The following GSK3B variants were observed in gnomAD, a reference collection of about 807,000 sequenced individuals.
The protein encoded by GSK3B is glycogen synthase kinase 3 beta.
Under a neutral mutation model 56.4 loss-of-function variants are expected in GSK3B, and 15 were observed. The ratio of observed to expected loss-of-function variants is 0.27; its 90% CI spans 0.18 to 0.41. The LOEUF (loss-of-function observed/expected upper bound fraction) is 0.41, where lower values mean the gene tolerates loss of function less well. Ranked by LOEUF, GSK3B falls within the 10% of genes least tolerant of loss-of-function variation. The pLI is 1.00. For missense variants in GSK3B, 300 were observed against 513.4 expected, an observed-to-expected ratio of 0.58 and a Z score of 4.02; for synonymous variants, 181 against 188.9, an observed-to-expected ratio of 0.96 and a Z score of 0.34.
At chr3:119,910,471 T>G (rs1576192700) in intron 6 of GSK3B, among the ~76,000 whole-genome samples, 1 of 151,862 alleles carries the variant, frequency 6.6e-6, no homozygotes, top group East Asian at 1.9e-4. Flanking sequence ...AAACACACTT[T>G]ATTACTAAAA....
At chr3:119,948,067 CAA>C (rs1252321480) in intron 2 of GSK3B, among the ~76,000 whole-genome samples, 1 of 152,132 alleles carries the variant, frequency 6.6e-6, no homozygotes, top group African/African-American at 2.4e-5. Context: ...TGTACATTAA[CAA>C]AGAGGTTATT....
At chr3:119,841,298 C>T (rs1188303996) in intron 10 of GSK3B, among the ~76,000 whole-genome samples, 1 of 152,164 alleles carries the variant, frequency 6.6e-6, no homozygotes, top group Non-Finnish European at 1.5e-5. Context: ...AGACAATTTG[C>T]TCAAAAACAT....
At chr3:119,853,329 TGTA>T (rs1379246633) in intron 9 of GSK3B, among the ~76,000 whole-genome samples, 1 of 152,238 alleles carries the variant, frequency 6.6e-6, no homozygotes, top group Non-Finnish European at 1.5e-5. Flanking sequence ...ACTGTAGCCT[TGTA>T]GTATAGTTCG....
intron 1 of GSK3B, among the ~76,000 whole-genome samples, chr3:120,003,730 C>T (rs919656530): frequency 1.3e-4 from 20 of 152,236 alleles, no homozygotes; most frequent in Admixed American, 1.3e-3. Flanking sequence ...CAGTGAATGT[C>T]TGTGACCAAT....
chr3:119,994,565 T>C (rs1390375392), intron 2 of GSK3B, among the ~76,000 whole-genome samples: 7 of 152,116 alleles, frequency 4.6e-5, no homozygotes, highest in South Asian at 4.1e-4. Context: ...CCCTAAGTGA[T>C]AGAAGTGAAT....
At chr3:119,851,675 C>A (rs745578776) in intron 9 of GSK3B, among the ~76,000 whole-genome samples, 1 of 152,146 alleles carries the variant, frequency 6.6e-6, no homozygotes, top group Admixed American at 6.5e-5. Flanking sequence ...AAGGAGCTCA[C>A]CCTGCAGATC....
chr3:120,017,593 A>G (rs1301944642), intron 1 of GSK3B, among the ~76,000 whole-genome samples: 2 of 152,154 alleles, frequency 1.3e-5, no homozygotes, highest in Non-Finnish European at 2.9e-5. Context: ...ATTTTTAATC[A>G]CTTTAAAGTG....
chr3:120,066,893 G>C (rs2058285480), intron 1 of GSK3B, among the ~76,000 whole-genome samples: 1 of 152,116 alleles, frequency 6.6e-6, no homozygotes. Flanking sequence ...GCTGTAGTTT[G>C]CAGAAACCTT....
intron 1 of GSK3B, among the ~76,000 whole-genome samples, chr3:120,090,043 T>C (rs1348925834): frequency 6.6e-6 from 1 of 152,094 alleles, no homozygotes; most frequent in African/African-American, 2.4e-5. Context: ...AAATTTTGCA[T>C]TTAAAATAAT....
intron 3 of GSK3B, among the ~76,000 whole-genome samples, chr3:119,930,639 T>C (rs1463788521): frequency 1.3e-5 from 2 of 152,202 alleles, no homozygotes; most frequent in East Asian, 3.8e-4. Flanking sequence ...GTCAATGTAT[T>C]ATTGAGAATG....
chr3:120,063,414 A>G (rs1271857554), intron 1 of GSK3B, among the ~76,000 whole-genome samples: 1 of 152,068 alleles, frequency 6.6e-6, no homozygotes, highest in Non-Finnish European at 1.5e-5. Context: ...GTCCATCAAT[A>G]TGGAACTGTT....
intron 1 of GSK3B, among the ~76,000 whole-genome samples, chr3:120,083,350 C>G (rs1261307240): frequency 6.6e-6 from 1 of 151,866 alleles, no homozygotes; most frequent in African/African-American, 2.4e-5. Context: ...GCCTGGAGAA[C>G]AACTAGATCA....
chr3:120,063,383 T>G (rs1409857338), intron 1 of GSK3B, among the ~76,000 whole-genome samples: 1 of 152,190 alleles, frequency 6.6e-6, no homozygotes, highest in African/African-American at 2.4e-5. Flanking sequence ...CCATCAAACT[T>G]TCCCTATTTA....
intron 2 of GSK3B, among the ~76,000 whole-genome samples, chr3:119,970,018 G>A (rs2057351468): frequency 1.3e-5 from 2 of 152,188 alleles, no homozygotes; most frequent in African/African-American, 4.8e-5. Context: ...ACAGTTAGCA[G>A]ATCAACTGCA....
intron 1 of GSK3B, among the ~76,000 whole-genome samples, chr3:120,068,038 T>G (rs532095891): frequency 6.6e-6 from 1 of 152,348 alleles, no homozygotes; most frequent in Non-Finnish European, 1.5e-5. Flanking sequence ...TTATGCATCC[T>G]TCTCTTTTAG....
At chr3:119,864,747 C>T (rs768369695) in intron 8 of GSK3B, among the ~76,000 whole-genome samples, 7 of 152,212 alleles carry the variant, frequency 4.6e-5, no homozygotes, top group East Asian at 1.9e-4. Context: ...CTAGTTACAA[C>T]TACAGAGCTC....
intron 3 of GSK3B, among the ~76,000 whole-genome samples, chr3:119,935,932 A>G (rs1331191280): frequency 6.6e-6 from 1 of 152,204 alleles, no homozygotes; most frequent in African/African-American, 2.4e-5. Flanking sequence ...AATGTAAGGT[A>G]GGTTTAACAT....
intron 2 of GSK3B, among the ~76,000 whole-genome samples, chr3:119,978,127 G>C (rs1156615348): frequency 6.6e-6 from 1 of 152,008 alleles, no homozygotes; most frequent in Non-Finnish European, 1.5e-5. Flanking sequence ...AATCCAAAGG[G>C]CATCCCCCTA....
intron 1 of GSK3B, among the ~76,000 whole-genome samples, chr3:120,079,320 AC>A: frequency 8.2e-6 from 1 of 121,524 alleles, no homozygotes; most frequent in South Asian, 2.5e-4. Context: ...ACACACACAC[AC>A]ACACACACAC....
Sources: gnomAD v4.1 joint callset for allele counts (sites outside exome capture counted in the v4.1 genomes callset) on GRCh38, gnomAD v4.1.1 for gene constraint, MANE v1.5 for transcripts, NCBI Gene and HGNC (gene_info 2026-07-23, HGNC 2026-07-21) for gene names.